The following LONP2 variants were observed in gnomAD, a reference collection of about 807,000 sequenced individuals.
LONP2 encodes the protein lon protease homolog 2, peroxisomal.
Under a neutral mutation model 85.6 loss-of-function variants are expected in LONP2, and 60 were observed. The ratio of observed to expected loss-of-function variants is 0.70; its 90% CI spans 0.57 to 0.87. The LOEUF (loss-of-function observed/expected upper bound fraction) is 0.87, where lower values mean the gene tolerates loss of function less well. Among genes scored for constraint, LONP2 ranks in the 40% least tolerant of loss-of-function variants. The pLI, the probability that LONP2 is intolerant of heterozygous loss-of-function variation, is 0.00. For missense variants in LONP2, 860 were observed against 1,063.5 expected (o/e 0.81, Z 2.66); for synonymous variants, 395 against 389.7 (o/e 1.01, Z -0.16).
chr16:48,304,797 T>A (rs1033191476), intron 11 of LONP2, among the ~76,000 whole-genome samples: 2 of 152,236 alleles, frequency 1.3e-5, no homozygotes, highest in African/African-American at 4.8e-5. Context: ...TGTTATGCAG[T>A]TTGCCAAAAC....
chr16:48,279,497 G>A (rs1469571850), intron 8 of LONP2, among the ~76,000 whole-genome samples: 1 of 152,116 alleles, frequency 6.6e-6, no homozygotes. Flanking sequence ...GAATGATTGG[G>A]GTCGGGGGTA....
At chr16:48,341,244 G>T (rs1467122775) in intron 12 of LONP2, among the ~76,000 whole-genome samples, 3 of 152,154 alleles carry the variant, frequency 2.0e-5, no homozygotes, top group Non-Finnish European at 4.4e-5. Context: ...AGGTTGCAAT[G>T]AGCTGAGATC....
At chr16:48,247,176 A>G (rs1297091810) in intron 1 of LONP2, 1 of 152,300 alleles carries the variant, frequency 6.6e-6, no homozygotes. Context: ...ATAGTTTCCA[A>G]TGTCTTTTTT....
chr16:48,276,388 A>G (rs573096460), intron 7 of LONP2, among the ~76,000 whole-genome samples: 8 of 152,224 alleles, frequency 5.3e-5, no homozygotes, highest in African/African-American at 1.9e-4. Flanking sequence ...TGGCTGTTCC[A>G]CTTGTCATTG....
intron 11 of LONP2, among the ~76,000 whole-genome samples, chr16:48,309,671 A>G (rs1972988244): frequency 1.3e-5 from 2 of 152,034 alleles, no homozygotes; most frequent in South Asian, 4.2e-4. Flanking sequence ...TTCTCTTCAG[A>G]TTGATTTTTA....
At chr16:48,269,683 A>C (rs1457787044) in intron 6 of LONP2, among the ~76,000 whole-genome samples, 3 of 152,204 alleles carry the variant, frequency 2.0e-5, no homozygotes, top group Non-Finnish European at 2.9e-5. Context: ...AATAAGGAAA[A>C]AAATCACCCT....
chr16:48,309,206 A>G (rs1972978000), intron 11 of LONP2, among the ~76,000 whole-genome samples: 1 of 152,206 alleles, frequency 6.6e-6, no homozygotes. Context: ...AGAAATGTAA[A>G]TTAGTACCAC....
intron 7 of LONP2, among the ~76,000 whole-genome samples, chr16:48,271,463 G>T (rs28513669): frequency 0.98 from 148,722 of 152,318 alleles, 73,055 homozygotes; most frequent in Middle Eastern, 1. Context: ...TGTTTTCTAT[G>T]TGCCTTATTC....
Position 48,351,828 on chromosome 16 carries a change from T to C in LONP2, c.*26T>C. On this transcript the variant is annotated 3_prime_UTR_variant, in exon 15 of 15. Coordinates refer to ENST00000285737, the MANE Select transcript of LONP2 (RefSeq NM_031490.5). ...GTCCAAATCTCAATTTTTTAGAATTTTAAGTTATGAAGTGCTCAAAGGTAC... is the reference window on the plus strand; with the variant it reads ...GTCCAAATCTCAATTTTTTAGAATTCTAAGTTATGAAGTGCTCAAAGGTAC... The C allele has an allele frequency of 6.3e-7, 1 of 1,596,304 alleles. No homozygotes were observed. Among genetic ancestry groups the C allele is most frequent in the Non-Finnish European group, 8.6e-7 (1 of 1,165,018 alleles).
At chr16:48,345,941 G>A (rs1367438641) in intron 12 of LONP2, 1 of 151,690 alleles carries the variant, frequency 6.6e-6, no homozygotes, top group Non-Finnish European at 1.5e-5. Flanking sequence ...GCTACTCGGA[G>A]CCTGAGGCAG....
intron 9 of LONP2, among the ~76,000 whole-genome samples, chr16:48,298,226 T>C (rs1024826478): frequency 1.3e-5 from 2 of 152,296 alleles, no homozygotes; most frequent in South Asian, 4.1e-4. Context: ...GCTTTCCTGG[T>C]GTTTACTAAC....
chr16:48,248,474 AC>A (rs1463209806), intron 1 of LONP2, among the ~76,000 whole-genome samples: 1 of 152,006 alleles, frequency 6.6e-6, no homozygotes, highest in East Asian at 1.9e-4. Context: ...AAATAATACT[AC>A]CTTCTTCATG....
At chr16:48,280,871 GTTAAT>G (rs1163970398) in intron 8 of LONP2, among the ~76,000 whole-genome samples, 4 of 152,122 alleles carry the variant, frequency 2.6e-5, no homozygotes, top group African/African-American at 7.2e-5. Context: ...CTGTACAGAT[GTTAAT>G]TTAATATCCA....
At position 48,334,387 on chromosome 16, in the gene LONP2, T is replaced by A. The variant is rs1414902904; in HGVS notation, c.1938+29T>A. The A allele has an allele frequency of 3.7e-6, 6 of 1,613,896 alleles. No homozygotes were observed. In the South Asian group the frequency reaches 6.6e-5, roughly 18 times the overall value. On this transcript the variant is annotated intron_variant, in intron 12 of 14. Transcript: ENST00000285737. Reference sequence around the variant, plus strand: ...ATTCATTCTTTTTATTTCTTTTTGCTCCAGTCAATGAAAGGAACACTTTAT... The same window carrying A: ...ATTCATTCTTTTTATTTCTTTTTGCACCAGTCAATGAAAGGAACACTTTAT...
chr16:48,308,456 GTC>G (rs1567334444), intron 11 of LONP2, among the ~76,000 whole-genome samples: 1 of 151,820 alleles, frequency 6.6e-6, no homozygotes, highest in Non-Finnish European at 1.5e-5. Flanking sequence ...GTGAAACCCC[GTC>G]TCTACTAAAA....
At chr16:48,269,204 T>G (rs1057127682) in intron 6 of LONP2, among the ~76,000 whole-genome samples, 2 of 151,462 alleles carry the variant, frequency 1.3e-5, no homozygotes, top group African/African-American at 4.8e-5. Context: ...TCATCTGTTT[T>G]TTTTTTTTTT....
chr16:48,347,557 T>TC lies in LONP2; in HGVS notation c.1992dup (p.Gly666ArgfsTer56). The TC allele has an allele frequency of 6.2e-7, 1 of 1,614,246 alleles. No homozygotes were observed. The highest frequency in any genetic ancestry group is 1.1e-5 in the South Asian group (1 of 91,086). On this transcript the variant is annotated frameshift_variant, in exon 13 of 15. Coordinates refer to ENST00000285737, the MANE Select transcript of LONP2 (RefSeq NM_031490.5). LOFTEE classifies it high-confidence loss of function. ...GAGTAGCAATAGGTTTGGCTTGGAC[T>TC]CCCTTAGGTGGAGAAATCATGTTCG...
chr16:48,330,029 C>G (rs1266586439), intron 11 of LONP2, among the ~76,000 whole-genome samples: 1 of 152,218 alleles, frequency 6.6e-6, no homozygotes, highest in African/African-American at 2.4e-5. Context: ...CAGTCTATTT[C>G]CATATTGCTT....
intron 12 of LONP2, 69 bp from the exon 13 acceptor site, chr16:48,347,438 C>G (rs1356006665): frequency 6.7e-7 from 1 of 1,487,718 alleles, no homozygotes; most frequent in Non-Finnish European, 9.4e-7. Context: ...CCGACTCTTG[C>G]AGGATTGTGT....
Sources: allele counts gnomAD v4.1 joint callset (sites outside exome capture counted in the v4.1 genomes callset), GRCh38; gene constraint gnomAD v4.1.1; transcripts MANE v1.5; gene names NCBI Gene and HGNC (gene_info 2026-07-23, HGNC 2026-07-21).